Variants in CAMTA1 observed in about 807,000 individuals in gnomAD.
CAMTA1 encodes calmodulin binding transcription activator 1.
Under a neutral mutation model 170.9 loss-of-function variants are expected in CAMTA1, and 27 were observed. The observed-to-expected ratio is 0.16, with a 90% CI of 0.12 to 0.22. The LOEUF (loss-of-function observed/expected upper bound fraction) is 0.22. CAMTA1 is among the 10% of genes least tolerant of loss of function. CAMTA1 has a pLI of 1.00. For missense variants in CAMTA1, 1,619 were observed against 2,217.2 expected, an observed-to-expected ratio of 0.73 and a Z score of 5.42; for synonymous variants, 833 against 891.5, an observed-to-expected ratio of 0.93 and a Z score of 1.17.
chr1:7,415,092 G>C (rs995786780), intron 5 of CAMTA1, among the ~76,000 whole-genome samples: 3 of 152,160 alleles, frequency 2.0e-5, no homozygotes, highest in Admixed American at 6.5e-5. Context: ...TGAATCCTGA[G>C]TTCTAGTTTG....
chr1:7,317,740 T>C (rs999923910), intron 5 of CAMTA1, among the ~76,000 whole-genome samples: 7 of 152,184 alleles, frequency 4.6e-5, no homozygotes, highest in Admixed American at 4.6e-4. Context: ...ATATCCTGAA[T>C]GGAACACAGC....
At chr1:7,309,316 T>G (rs1676085829) in intron 5 of CAMTA1, among the ~76,000 whole-genome samples, 1 of 135,974 alleles carries the variant, frequency 7.4e-6, no homozygotes, top group Non-Finnish European at 1.6e-5. Context: ...TTTTTTTTTT[T>G]TGAGACGGAG....
intron 3 of CAMTA1, among the ~76,000 whole-genome samples, chr1:7,053,091 G>A (rs536837109): frequency 4.6e-5 from 7 of 152,328 alleles, no homozygotes; most frequent in South Asian, 2.1e-4. Flanking sequence ...TCGTGGGGGC[G>A]GCTGGAGGGA....
chr1:7,411,741 C>A (rs903045303), intron 5 of CAMTA1, among the ~76,000 whole-genome samples: 1 of 151,800 alleles, frequency 6.6e-6, no homozygotes, highest in South Asian at 2.1e-4. Flanking sequence ...ATAAAGCCAG[C>A]TTTTCCTTTT....
chr1:6,947,544 C>T (rs1056496286), intron 3 of CAMTA1, among the ~76,000 whole-genome samples: 4 of 126,942 alleles, frequency 3.2e-5, no homozygotes, highest in Admixed American at 8.8e-5. Flanking sequence ...CCATGCCTGA[C>T]TAATTTTTTT....
chr1:7,236,944 GTCC>G (rs1406174011), intron 4 of CAMTA1, among the ~76,000 whole-genome samples: 1 of 152,224 alleles, frequency 6.6e-6, no homozygotes, highest in Non-Finnish European at 1.5e-5. Context: ...CAGGAATAGT[GTCC>G]ACTCTTCTAG....
At chr1:7,703,685 ATATATC>A (rs756509556) in intron 11 of CAMTA1, among the ~76,000 whole-genome samples, 19 of 152,194 alleles carry the variant, frequency 1.2e-4, no homozygotes, top group Non-Finnish European at 2.1e-4. Context: ...GACTGTATCT[ATATATC>A]TATATCTATT....
At chr1:7,294,575 CA>C (rs1301690849) in intron 5 of CAMTA1, among the ~76,000 whole-genome samples, 1 of 152,228 alleles carries the variant, frequency 6.6e-6, no homozygotes, top group African/African-American at 2.4e-5. Context: ...CCCAAAACCT[CA>C]ATGTAGAAAC....
intron 11 of CAMTA1, among the ~76,000 whole-genome samples, chr1:7,699,289 TC>T (rs892397273): frequency 6.6e-6 from 1 of 151,574 alleles, no homozygotes; most frequent in Non-Finnish European, 1.5e-5. Context: ...CCTCCTCAGC[TC>T]CCCCCCACCA....
intron 3 of CAMTA1, among the ~76,000 whole-genome samples, chr1:6,868,953 A>G (rs1667572385): frequency 6.6e-6 from 1 of 152,226 alleles, no homozygotes; most frequent in Non-Finnish European, 1.5e-5. Context: ...TTTCCTGTCT[A>G]ATTCACTTAC....
rs376754402 is a variant in CAMTA1 at position 6,933,667 on chromosome 1, AT to A, written c.234+108471del. 6.5e-3 allele frequency among the ~76,000 whole-genome samples: 870 copies of A among 134,706 alleles called. 2 individuals are homozygous for A. The highest frequency in any genetic ancestry group is 8.2e-3 in the African/African-American group (303 of 36,754). The allele number at this position is 134,706 out of a possible 152,430, so 88.4% of individuals were successfully genotyped here. A position where few individuals can be genotyped will look rare whatever the true frequency, so the allele number is the denominator to read the frequency against. The stretch of plus-strand genomic sequence containing the variant: ...AGGTATGGGTTGAGGTTCGTTTTTC[AT>A]TTTTTTTTTTTTTGCACGTAGACAT... On this transcript the variant is annotated intron_variant, in intron 3 of 22. Transcript: ENST00000303635.
At chr1:6,916,454 A>C (rs539549361) in intron 3 of CAMTA1, among the ~76,000 whole-genome samples, 15 of 151,648 alleles carry the variant, frequency 9.9e-5, no homozygotes, top group Admixed American at 7.2e-4. Context: ...GCTCTCCCCC[A>C]GCATTTACGG....
chr1:7,536,487 C>T (rs1195978523), intron 6 of CAMTA1, among the ~76,000 whole-genome samples: 1 of 152,132 alleles, frequency 6.6e-6, no homozygotes, highest in Non-Finnish European at 1.5e-5. Context: ...CATTGGGTGT[C>T]CTTAAACAGG....
intron 3 of CAMTA1, among the ~76,000 whole-genome samples, chr1:6,944,262 C>T (rs751637014): frequency 7.2e-5 from 11 of 152,188 alleles, no homozygotes; most frequent in Non-Finnish European, 1.2e-4. Flanking sequence ...TTTGCCTATC[C>T]GCTCGTCTGC....
At chr1:7,687,264 G>A (rs564237302) in intron 11 of CAMTA1, among the ~76,000 whole-genome samples, 3 of 151,788 alleles carry the variant, frequency 2.0e-5, no homozygotes, top group South Asian at 2.1e-4. Context: ...CCAGTGCAAC[G>A]GAGGGAAACC....
At chr1:7,733,624 A>T (rs556238982) in intron 12 of CAMTA1, among the ~76,000 whole-genome samples, 7 of 152,200 alleles carry the variant, frequency 4.6e-5, no homozygotes, top group Non-Finnish European at 7.4e-5. Flanking sequence ...CTAGAGATAA[A>T]TTTAAAGGAA....
intron 6 of CAMTA1, among the ~76,000 whole-genome samples, chr1:7,528,589 T>A (rs867923794): frequency 3.4e-4 from 51 of 151,966 alleles, no homozygotes; most frequent in African/African-American, 9.2e-4. Context: ...GGGGAGGAGC[T>A]TTTGCATGAG....
chr1:7,536,728 C>T lies in CAMTA1; in HGVS notation c.510+68827C>T, dbSNP rs564151048. ...CGCAGGGCTTTCTGCACGGCAGGCG[C>T]GACGCTCATTTAAATAGCAGATCCG... On this transcript the variant is annotated intron_variant, in intron 6 of 22. Coordinates refer to ENST00000303635, the MANE Select transcript of CAMTA1 (RefSeq NM_015215.4). Among the ~76,000 whole-genome samples the T allele has an allele frequency of 3.9e-5, 6 of 152,278 alleles. No homozygotes were observed. In the South Asian group the frequency reaches 1.0e-3, roughly 26 times the overall value.
chr1:7,088,516 G>C (rs889548099), intron 3 of CAMTA1, among the ~76,000 whole-genome samples: 4 of 152,228 alleles, frequency 2.6e-5, no homozygotes, highest in African/African-American at 9.6e-5. Flanking sequence ...TAGATGCTCA[G>C]TAAGTGTTTG....
Sources: allele counts gnomAD v4.1 joint callset (sites outside exome capture counted in the v4.1 genomes callset), GRCh38; gene constraint gnomAD v4.1.1; transcripts MANE v1.5; gene names NCBI Gene and HGNC (gene_info 2026-07-23, HGNC 2026-07-21).